The following SMOC1 variants were observed in gnomAD, a reference collection of about 807,000 sequenced individuals.
SMOC1 encodes SPARC-related modular calcium-binding protein 1.
In SMOC1, 22 loss-of-function variants were observed where a neutral mutation model predicts 56.3. The observed-to-expected ratio is 0.39, with a 90% CI of 0.28 to 0.56. The LOEUF (loss-of-function observed/expected upper bound fraction) is 0.56, where lower values mean the gene tolerates loss of function less well. SMOC1 is among the 20% of genes least tolerant of loss of function. The pLI, the probability that SMOC1 is intolerant of heterozygous loss-of-function variation, is 0.61. For synonymous variants in SMOC1, 193 were observed against 215.0 expected (o/e 0.90, Z 0.89); for missense variants, 509 against 565.4 (o/e 0.90, Z 1.01).
chr14:69,952,439 C>T, intron 2 of SMOC1, 136 bp downstream of exon 2: 1 of 1,020,080 alleles, frequency 9.8e-7, no homozygotes, highest in African/African-American at 1.6e-5. Flanking sequence ...CCCCTTCCAC[C>T]AGGGCCAAGG....
At chr14:69,970,633 T>A (rs1366777201) in intron 3 of SMOC1, among the ~76,000 whole-genome samples, 1 of 152,198 alleles carries the variant, frequency 6.6e-6, no homozygotes. Flanking sequence ...ATTTTTTGCG[T>A]TGGACATGGC....
At chr14:69,939,689 T>C (rs147256466) in intron 1 of SMOC1, among the ~76,000 whole-genome samples, 107 of 152,366 alleles carry the variant, frequency 7.0e-4, no homozygotes, top group African/African-American at 2.5e-3. Flanking sequence ...ATTTCTCTTC[T>C]GTCTGTGATT....
intron 3 of SMOC1, among the ~76,000 whole-genome samples, chr14:69,974,647 C>T (rs1391911392): frequency 6.6e-6 from 1 of 151,984 alleles, no homozygotes; most frequent in Non-Finnish European, 1.5e-5. Context: ...TTTAGGAACT[C>T]CAGATTGAAA....
intron 10 of SMOC1, among the ~76,000 whole-genome samples, chr14:70,014,375 G>C (rs1885437377): frequency 6.6e-6 from 1 of 152,222 alleles, no homozygotes; most frequent in Non-Finnish European, 1.5e-5. Flanking sequence ...GAGTTTTAAA[G>C]AATGGGTAGG....
chr14:70,030,166 C>G, intron 11 of SMOC1, 76 bp from the exon 12 acceptor site: 1 of 1,602,790 alleles, frequency 6.2e-7, no homozygotes. Context: ...TTCTCACAAG[C>G]CCAACTCTAA....
intron 10 of SMOC1, among the ~76,000 whole-genome samples, chr14:70,014,887 C>T (rs1469505646): frequency 6.6e-6 from 1 of 152,212 alleles, no homozygotes; most frequent in Non-Finnish European, 1.5e-5. Context: ...ATAGCTCCCT[C>T]AGTGGTGATT....
At chr14:70,001,734 C>T (rs74930991) in intron 7 of SMOC1, among the ~76,000 whole-genome samples, 4,569 of 152,224 alleles carry the variant, frequency 0.03, 121 homozygotes, top group Middle Eastern at 0.11. Context: ...ACTGTGCCAC[C>T]AGGTTTAATG....
At chr14:69,889,362 T>A (rs1883898460) in intron 1 of SMOC1, among the ~76,000 whole-genome samples, 1 of 152,164 alleles carries the variant, frequency 6.6e-6, no homozygotes. Flanking sequence ...CAGGAAGAAT[T>A]CTCTCAGCTT....
chr14:69,932,935 G>A (rs1341250225), intron 1 of SMOC1, among the ~76,000 whole-genome samples: 1 of 152,198 alleles, frequency 6.6e-6, no homozygotes, highest in African/African-American at 2.4e-5. Flanking sequence ...ACCTAGGGCA[G>A]TAGTTTTAAA....
At chr14:69,955,697 A>C (rs199856941) in intron 3 of SMOC1, among the ~76,000 whole-genome samples, 79 of 149,726 alleles carry the variant, frequency 5.3e-4, no homozygotes, top group African/African-American at 1.6e-3. Flanking sequence ...AGAAAAAAAA[A>C]CCCACCAAAC....
chr14:69,933,050 A>G (rs1274788496), intron 1 of SMOC1, among the ~76,000 whole-genome samples: 1 of 152,126 alleles, frequency 6.6e-6, no homozygotes, highest in Non-Finnish European at 1.5e-5. Context: ...GGTGACATAC[A>G]TTATGGGGTG....
At chr14:70,010,402 C>T (rs1885294845) in intron 7 of SMOC1, among the ~76,000 whole-genome samples, 1 of 152,242 alleles carries the variant, frequency 6.6e-6, no homozygotes, top group Non-Finnish European at 1.5e-5. Flanking sequence ...AGAACATCAG[C>T]AGGAGCCACT....
chr14:70,010,624 C>G (rs1402589260), intron 7 of SMOC1, 130 bp from the exon 8 acceptor site: 3 of 951,866 alleles, frequency 3.2e-6, no homozygotes, highest in Admixed American at 1.9e-5. Context: ...GGTAATTCAT[C>G]AATGGGGCAG....
intron 1 of SMOC1, among the ~76,000 whole-genome samples, chr14:69,907,429 T>C (rs997041981): frequency 3.3e-5 from 5 of 152,230 alleles, no homozygotes; most frequent in Non-Finnish European, 5.9e-5. Context: ...CTATTAAATA[T>C]AATTTTACCT....
chr14:70,019,209 T>C (rs1295332176), intron 10 of SMOC1, among the ~76,000 whole-genome samples: 2 of 152,188 alleles, frequency 1.3e-5, no homozygotes, highest in Non-Finnish European at 2.9e-5. Flanking sequence ...TCTAGTGGGT[T>C]TCCTCATCCC....
intron 9 of SMOC1, 30 bp downstream of exon 9, chr14:70,011,597 A>G (rs757801452): frequency 2.5e-6 from 4 of 1,593,608 alleles, no homozygotes; most frequent in Admixed American, 1.7e-5. Context: ...TGCCGGCGCC[A>G]TCACCTCCTT....
At chr14:70,030,150 C>G (rs227402) in intron 11 of SMOC1, 92 bp from the exon 12 acceptor site, 1 of 1,582,120 alleles carries the variant, frequency 6.3e-7, no homozygotes, top group Non-Finnish European at 8.6e-7. Context: ...ATGGACATAG[C>G]TGGATTTCTC....
intron 3 of SMOC1, among the ~76,000 whole-genome samples, chr14:69,960,955 T>C (rs529943759): frequency 1.1e-4 from 17 of 152,264 alleles, no homozygotes; most frequent in Admixed American, 9.1e-4. Context: ...AAATATGCTA[T>C]TGAGTGGTTA....
chr14:69,938,482 G>A (rs1594812423), intron 1 of SMOC1, among the ~76,000 whole-genome samples: 1 of 124,132 alleles, frequency 8.1e-6, no homozygotes, highest in Middle Eastern at 3.8e-3. Flanking sequence ...TCTGCAGCAG[G>A]ATGAGAAAGG....
Sources: allele counts gnomAD v4.1 joint callset (sites outside exome capture counted in the v4.1 genomes callset), GRCh38; gene constraint gnomAD v4.1.1; transcripts MANE v1.5; gene names NCBI Gene and HGNC (gene_info 2026-07-23, HGNC 2026-07-21).